The following BIRC6 variants were observed in gnomAD, a reference collection of about 807,000 sequenced individuals.
The protein encoded by BIRC6 is baculoviral IAP repeat containing 6.
In BIRC6, 98 loss-of-function variants were observed where a neutral mutation model predicts 503.3. The ratio of observed to expected loss-of-function variants is 0.19; its 90% CI spans 0.17 to 0.23. The LOEUF (loss-of-function observed/expected upper bound fraction) is 0.23. BIRC6 is among the 10% of genes least tolerant of loss of function. BIRC6 has a pLI of 1.00. For synonymous variants in BIRC6, 2,240 were observed against 2,078.7 expected (o/e 1.08, Z -2.11); for missense variants, 5,360 against 5,806.0 (o/e 0.92, Z 2.50).
chr2:32,616,716 G>A (rs2063268669), intron 73 of BIRC6, among the ~76,000 whole-genome samples: 2 of 152,098 alleles, frequency 1.3e-5, no homozygotes. Context: ...AAGTATCAGT[G>A]GATTTATTTT....
rs192173937 is a variant in BIRC6 at position 32,490,286 on chromosome 2, G to T, written c.8206+135G>T. 1.7e-3 allele frequency: 1,228 copies of T among 720,236 alleles called. 14 individuals carry two copies. The African/African-American group carries it at 0.019, about 11-fold the overall frequency. The allele number at this position is 720,236 out of a possible 1,614,324, so 44.6% of individuals were successfully genotyped here. A position where few individuals can be genotyped will look rare whatever the true frequency, so the allele number is the denominator to read the frequency against. Reference sequence around the variant, plus strand: ...GAGTTGGCCAGATGTGGTGGCTCACGCCTGTAAACCCAGCACTTTGGGAGG... The same window carrying T: ...GAGTTGGCCAGATGTGGTGGCTCACTCCTGTAAACCCAGCACTTTGGGAGG... On this transcript the variant is annotated intron_variant, in intron 43 of 73. Transcript: ENST00000421745.
In BIRC6 at chr2:32,464,701, C is replaced by T; in HGVS notation, c.5134C>T (p.Pro1712Ser). 6.2e-7 allele frequency: 1 copy of T among 1,614,008 alleles called. No homozygotes were observed. The highest frequency in any genetic ancestry group is 8.5e-7 in the Non-Finnish European group (1 of 1,179,888). ...PLFMTPPLTP[P>S]NEAVSVVINA... ...TTTTATGACTCCACCACTCACTCCA[C>T]CCAATGAAGCAGTTTCCGTTGTGAT... The change falls in exon 25 of 74, where the codon CCC (proline) becomes TCC (serine). Residue 1712 changes from proline (P) to serine (S), a missense_variant. Pro to Ser is a moderately conservative substitution (Grantham distance 74, BLOSUM62 -1). Coordinates refer to ENST00000421745, the MANE Select transcript of BIRC6 (RefSeq NM_016252.4).
chr2:32,493,734 C>A, intron 45 of BIRC6, 67 bp downstream of exon 45: 1 of 1,314,202 alleles, frequency 7.6e-7, no homozygotes, highest in African/African-American at 1.5e-5. Context: ...ATATACTTTT[C>A]TTTAACATTT....
At chr2:32,594,713 T>TGGATGGATGGATGGAC (rs2061574452) in intron 67 of BIRC6, among the ~76,000 whole-genome samples, 1 of 151,556 alleles carries the variant, frequency 6.6e-6, no homozygotes, top group African/African-American at 2.4e-5. Context: ...GATGGATGGA[T>TGGATGGATGGATGGAC]GGATGGATGG....
rs2048745415 is a variant in BIRC6, at chr2:32,468,086, G to T, written c.5755G>T (p.Ala1919Ser). ...TGACCAGCATTTAGCAATGATGGTTGCTTTGCAGGAGGATATACAGTGCAG... is the reference window on the plus strand; with the variant it reads ...TGACCAGCATTTAGCAATGATGGTTTCTTTGCAGGAGGATATACAGTGCAG... ...EIDQHLAMMVALQEDIQCRYN... is the reference protein window; with the variant it reads ...EIDQHLAMMVSLQEDIQCRYN... Residue 1919 changes from alanine (A) to serine (S), a missense_variant, in exon 28 of 74, where the codon GCT becomes TCT. By Grantham distance (99) the Ala-to-Ser change is moderately conservative. Transcript: ENST00000421745. The T allele has an allele frequency of 6.2e-7, 1 of 1,613,806 alleles. No individual in the cohort carries two copies. Among genetic ancestry groups the T allele is most frequent in the African/African-American group, 1.3e-5 (1 of 74,930 alleles).
chr2:32,498,494 T>C (rs1414529757), intron 45 of BIRC6, among the ~76,000 whole-genome samples: 3 of 152,238 alleles, frequency 2.0e-5, no homozygotes, highest in Non-Finnish European at 4.4e-5. Flanking sequence ...CTTCCGTCTT[T>C]TGTGACATAG....
intron 45 of BIRC6, among the ~76,000 whole-genome samples, chr2:32,498,554 C>A (rs2052769752): frequency 6.6e-6 from 1 of 151,918 alleles, no homozygotes; most frequent in African/African-American, 2.4e-5. Context: ...TACTGTGCAA[C>A]CTTTTTTTTA....
chr2:32,434,378 C>G (rs1376631399), intron 13 of BIRC6, among the ~76,000 whole-genome samples: 1 of 152,090 alleles, frequency 6.6e-6, no homozygotes, highest in African/African-American at 2.4e-5. Context: ...CAGTTTCAAA[C>G]ATTGAAACTT....
chr2:32,459,426 TG>T (rs1297548704), intron 23 of BIRC6, among the ~76,000 whole-genome samples: 13 of 151,600 alleles, frequency 8.6e-5, no homozygotes, highest in Non-Finnish European at 2.9e-5. Context: ...TTTTGTTTTT[TG>T]GTCAATGTGT....
intron 22 of BIRC6, among the ~76,000 whole-genome samples, chr2:32,452,379 G>A (rs955297864): frequency 6.6e-6 from 1 of 151,920 alleles, no homozygotes; most frequent in African/African-American, 2.4e-5. Flanking sequence ...ATTATTAAAT[G>A]AATTAATATT....
At chr2:32,521,303 T>C (rs1329932351) in intron 57 of BIRC6, among the ~76,000 whole-genome samples, 3 of 136,936 alleles carry the variant, frequency 2.2e-5, no homozygotes, top group Admixed American at 1.7e-4. Context: ...ATGGAGTCTT[T>C]CTCTGCATTA....
At chr2:32,410,190 G>A (rs1056449985) in intron 9 of BIRC6, among the ~76,000 whole-genome samples, 21 of 152,248 alleles carry the variant, frequency 1.4e-4, no homozygotes, top group African/African-American at 5.1e-4. Flanking sequence ...TGTCAGTTTA[G>A]TCCAGTTGGG....
chr2:32,391,676 T>TA lies in BIRC6; in HGVS notation c.840-362dup, dbSNP rs538818741. ...TAAGCTTTGCTTATCAATCCTTTCT[T>TA]ACTAAAAATCTTTTGGACTTCTCAA... is the stretch of plus-strand genomic sequence containing the variant. On this transcript the variant is annotated intron_variant, in intron 4 of 73. Transcript: ENST00000421745. Among the ~76,000 whole-genome samples the TA allele has an allele frequency of 3.9e-5, 6 of 152,370 alleles. No individual in the cohort carries two copies. In the East Asian group the frequency reaches 1.2e-3, roughly 29 times the overall value.
At chr2:32,483,907 G>T (rs781140698) in intron 39 of BIRC6, among the ~76,000 whole-genome samples, 2 of 151,982 alleles carry the variant, frequency 1.3e-5, no homozygotes, top group Non-Finnish European at 2.9e-5. Flanking sequence ...TTGTCTTCTG[G>T]GCTTCTCCCT....
At position 32,500,125 on chromosome 2, in the gene BIRC6, A is replaced by G. The variant is rs757645562; in HGVS notation, c.9031+16A>G. 1.9e-6 allele frequency: 3 copies of G among 1,562,478 alleles called. No homozygotes were observed. Among genetic ancestry groups the G allele is most frequent in the South Asian group, 1.2e-5 (1 of 83,906 alleles). On this transcript the variant is annotated intron_variant, in intron 46 of 73. Coordinates refer to ENST00000421745, the MANE Select transcript of BIRC6 (RefSeq NM_016252.4). ...ATGATAATTGGTATGTATTGAGAAT[A>G]TTAATCTTACCATTGTCTCTGATAC...
At chr2:32,571,349 A>G (rs1297246222) in intron 65 of BIRC6, among the ~76,000 whole-genome samples, 1 of 89,854 alleles carries the variant, frequency 1.1e-5, no homozygotes, top group African/African-American at 4.4e-5. Flanking sequence ...ATTTGGTAGA[A>G]TTTGGCTGTG....
intron 9 of BIRC6, among the ~76,000 whole-genome samples, chr2:32,407,210 C>T (rs1425828890): frequency 1.3e-5 from 2 of 152,010 alleles, no homozygotes; most frequent in Non-Finnish European, 2.9e-5. Flanking sequence ...CTTTGGGAGG[C>T]CACAGCGGGT....
chr2:32,365,113 G>C (rs1008824251), intron 1 of BIRC6, among the ~76,000 whole-genome samples: 4 of 152,156 alleles, frequency 2.6e-5, no homozygotes, highest in Non-Finnish European at 5.9e-5. Flanking sequence ...CTTTGGCTCT[G>C]TTTCTGGTGA....
At chr2:32,495,790 G>GTTTTTTTTTT (rs11464835) in intron 45 of BIRC6, among the ~76,000 whole-genome samples, 1 of 84,812 alleles carries the variant, frequency 1.2e-5, no homozygotes, top group African/African-American at 4.8e-5. Flanking sequence ...TCAGGATGAA[G>GTTTTTTTTTT]TTTTTTTTTT....
Sources: gnomAD v4.1 joint callset for allele counts (sites outside exome capture counted in the v4.1 genomes callset) on GRCh38, gnomAD v4.1.1 for gene constraint, MANE v1.5 for transcripts, NCBI Gene and HGNC (gene_info 2026-07-23, HGNC 2026-07-21) for gene names.